OTULINL: variants seen among roughly 807,000 people sequenced by gnomAD.
The protein encoded by OTULINL is inactive ubiquitin thioesterase OTULINL.
A neutral mutation model predicts 43.9 loss-of-function variants in OTULINL; 42 were observed. That is an observed-to-expected ratio of 0.96 (90% CI 0.75 to 1.24). The LOEUF (loss-of-function observed/expected upper bound fraction) is 1.24. Ranked by LOEUF, OTULINL falls within the 50% of genes most tolerant of loss-of-function variation. OTULINL has a pLI of 0.00. For synonymous variants in OTULINL, 172 were observed against 153.6 expected (o/e 1.12, Z -0.88); for missense variants, 411 against 426.4 (o/e 0.96, Z 0.32).
At chr5:14,598,203 C>A (rs1020656656) in intron 1 of OTULINL, among the ~76,000 whole-genome samples, 2 of 152,226 alleles carry the variant, frequency 1.3e-5, no homozygotes, top group African/African-American at 2.4e-5. Flanking sequence ...GAGGGGGCAG[C>A]AGCCATCCCC....
In OTULINL at chr5:14,613,066, G is replaced by A. The variant is rs1759609148; in HGVS notation, c.*2752G>A. 6.6e-6 allele frequency among the ~76,000 whole-genome samples: 1 copy of A among 152,124 alleles called. No homozygotes were observed. Among genetic ancestry groups the A allele is most frequent in the South Asian group, 2.1e-4 (1 of 4,824 alleles). On this transcript the variant is annotated 3_prime_UTR_variant, in exon 8 of 8. Transcript: ENST00000274217. ...GCCTCCCGAGTAGCCGGGATTACAG[G>A]TGCCCACCACTACGCTCGACTAATT...
intron 1 of OTULINL, among the ~76,000 whole-genome samples, chr5:14,595,975 G>T (rs938155114): frequency 2.0e-5 from 3 of 152,112 alleles, no homozygotes; most frequent in African/African-American, 7.2e-5. Flanking sequence ...ATATTGAAAA[G>T]AAATTTCATG....
At chr5:14,595,233 CTG>C (rs2126775625) in intron 1 of OTULINL, among the ~76,000 whole-genome samples, 1 of 152,254 alleles carries the variant, frequency 6.6e-6, no homozygotes, top group Non-Finnish European at 1.5e-5. Flanking sequence ...GTGACAGAGT[CTG>C]TGTGTAGAGA....
intron 1 of OTULINL, among the ~76,000 whole-genome samples, chr5:14,586,566 AT>A (rs1759104102): frequency 6.6e-6 from 1 of 152,234 alleles, no homozygotes; most frequent in African/African-American, 2.4e-5. Flanking sequence ...TTTGTTGTTG[AT>A]TTAACCATGT....
chr5:14,589,170 G>A lies in OTULINL; in HGVS notation c.64+7212G>A, dbSNP rs531142934. ...TTACTGTCTACGCAGGGAGACAGAC[G>A]CTAATCAAACACAAACACAATTGTG... On this transcript the variant is annotated intron_variant, in intron 1 of 7. Transcript: ENST00000274217. Among the ~76,000 whole-genome samples the A allele has an allele frequency of 4.6e-5, 7 of 152,292 alleles. No individual in the cohort carries two copies. In the East Asian group the frequency reaches 1.4e-3, roughly 29 times the overall value.
At chr5:14,608,077 C>G (rs976831648) in intron 6 of OTULINL, among the ~76,000 whole-genome samples, 3 of 152,230 alleles carry the variant, frequency 2.0e-5, no homozygotes, top group Non-Finnish European at 2.9e-5. Flanking sequence ...CACACTAGCA[C>G]TATTCTGTGG....
intron 1 of OTULINL, among the ~76,000 whole-genome samples, chr5:14,582,377 T>C (rs998131091): frequency 2.6e-5 from 4 of 151,844 alleles, no homozygotes; most frequent in African/African-American, 9.7e-5. Context: ...CCGTGTCCTC[T>C]CGGGGAGCTC....
In OTULINL at chr5:14,613,527, C is replaced by T. The variant is rs543879002; in HGVS notation, c.*3213C>T. ...AGAGAGTTAGGTTAGTTAGTACAAC[C>T]TAAGAGGGAGTTAAATGGATCAGGA... On this transcript the variant is annotated 3_prime_UTR_variant, in exon 8 of 8. Coordinates refer to ENST00000274217, the MANE Select transcript of OTULINL (RefSeq NM_019018.3). 2.0e-5 allele frequency among the ~76,000 whole-genome samples: 3 copies of T among 152,222 alleles called. No homozygotes were observed. Among genetic ancestry groups the T allele is most frequent in the Admixed American group, 6.5e-5 (1 of 15,296 alleles).
chr5:14,610,344 C>A lies in OTULINL; in HGVS notation c.*30C>A, dbSNP rs781418751. On this transcript the variant is annotated 3_prime_UTR_variant, in exon 8 of 8. Coordinates refer to ENST00000274217, the MANE Select transcript of OTULINL (RefSeq NM_019018.3). ...GCTGGGGGCCGAACAGCAGTGCTCA[C>A]CAGTGACGGTGGTCACAGTTGCAAT... 1 of 1,600,648 alleles carries A rather than the reference C, an allele frequency of 6.2e-7. No individual in the cohort carries two copies. The highest frequency in any genetic ancestry group is 8.5e-7 in the Non-Finnish European group (1 of 1,173,334).
In OTULINL at chr5:14,611,154, A is replaced by T. The variant is rs1759574710; in HGVS notation, c.*840A>T. ...GAATAATGCCCTATGCTCCCCAAAGATGTCTGTGTCTGAATCCTCAGAGCC... is the reference window on the plus strand; with the variant it reads ...GAATAATGCCCTATGCTCCCCAAAGTTGTCTGTGTCTGAATCCTCAGAGCC... On this transcript the variant is annotated 3_prime_UTR_variant, in exon 8 of 8. Coordinates refer to ENST00000274217, the MANE Select transcript of OTULINL (RefSeq NM_019018.3). The T allele has an allele frequency of 6.6e-6, 1 of 152,194 alleles. No homozygotes were observed. The highest frequency in any genetic ancestry group is 2.4e-5 in the African/African-American group (1 of 41,440). 9.4% of individuals were successfully genotyped at this position (152,194 alleles called of 1,614,324 possible). A position where few individuals can be genotyped will look rare whatever the true frequency, so the allele number is the denominator to read the frequency against.
Position 14,615,712 on chromosome 5 carries a change from C to T in OTULINL, c.*5398C>T. Among the ~76,000 whole-genome samples the T allele has an allele frequency of 6.6e-6, 1 of 152,182 alleles. No homozygotes were observed. On this transcript the variant is annotated 3_prime_UTR_variant, in exon 8 of 8. Coordinates refer to ENST00000274217, the MANE Select transcript of OTULINL (RefSeq NM_019018.3). ...GACTCAGCCCCAGAGTATATTTGAT[C>T]TATTGGTTAACTCATCTGTCAGCAA...
Position 14,581,972 on chromosome 5 carries a change from CGGGCGGGGCG to C in OTULINL, c.64+23_64+32del, listed in dbSNP as rs1013655166. Reference sequence around the variant, plus strand: ...CTCCCGCCGCAGGTGAGCCTGGGGCCGGGCGGGGCGGGGCGGGGGGCGCGAGCAGGGACCG... The same window carrying C: ...CTCCCGCCGCAGGTGAGCCTGGGGCCGGGCGGGGGGCGCGAGCAGGGACCG... On this transcript the variant is annotated intron_variant, in intron 1 of 7. Transcript: ENST00000274217. The C allele has an allele frequency of 5.3e-5, 35 of 656,184 alleles. No homozygotes were observed. The highest frequency in any genetic ancestry group is 6.9e-5 in the Non-Finnish European group (31 of 448,420). The allele number at this position is 656,184 out of a possible 1,614,324, so 40.6% of individuals were successfully genotyped here.
chr5:14,583,625 A>C (rs919263141), intron 1 of OTULINL, among the ~76,000 whole-genome samples: 1 of 152,168 alleles, frequency 6.6e-6, no homozygotes, highest in African/African-American at 2.4e-5. Context: ...CTCTGCTCCA[A>C]TTGTGGGATC....
Position 14,610,407 on chromosome 5 carries a change from T to C in OTULINL, c.*93T>C. 7.5e-7 allele frequency: 1 copy of C among 1,340,222 alleles called. No individual in the cohort carries two copies. Among genetic ancestry groups the C allele is most frequent in the Non-Finnish European group, 1.0e-6 (1 of 964,208 alleles). The allele number at this position is 1,340,222 out of a possible 1,614,324, so 83.0% of individuals were successfully genotyped here. A position where few individuals can be genotyped will look rare whatever the true frequency, so the allele number is the denominator to read the frequency against. ...TGAAACCAAAGCTAGCATTTCAGCA[T>C]GGAAGGAATTAGGACCTTTTCTTCA... On this transcript the variant is annotated 3_prime_UTR_variant, in exon 8 of 8. Coordinates refer to ENST00000274217, the MANE Select transcript of OTULINL (RefSeq NM_019018.3).
chr5:14,614,579 C>T lies in OTULINL; in HGVS notation c.*4265C>T, dbSNP rs1231580247. 4 of 398,448 alleles carry T rather than the reference C, an allele frequency of 1.0e-5. No individual in the cohort carries two copies. The highest frequency in any genetic ancestry group is 1.8e-5 in the Non-Finnish European group (4 of 226,068). The allele number at this position is 398,448 out of a possible 1,614,324, so 24.7% of individuals were successfully genotyped here. A position where few individuals can be genotyped will look rare whatever the true frequency, so the allele number is the denominator to read the frequency against. On this transcript the variant is annotated 3_prime_UTR_variant, in exon 8 of 8. Coordinates refer to ENST00000274217, the MANE Select transcript of OTULINL (RefSeq NM_019018.3). Reference sequence around the variant, plus strand: ...GGATTATATTTATGCTTAATATCAACATGGTTTATAAGTGGACAGAAAAAC... The same window carrying T: ...GGATTATATTTATGCTTAATATCAATATGGTTTATAAGTGGACAGAAAAAC...
At chr5:14,595,525 T>TA (rs965402086) in intron 1 of OTULINL, among the ~76,000 whole-genome samples, 7 of 151,660 alleles carry the variant, frequency 4.6e-5, no homozygotes, top group African/African-American at 1.7e-4. Context: ...GGTTTTGGGG[T>TA]ATGTGTGTGT....
intron 1 of OTULINL, among the ~76,000 whole-genome samples, chr5:14,583,772 T>C (rs1759059072): frequency 6.6e-6 from 1 of 152,174 alleles, no homozygotes; most frequent in African/African-American, 2.4e-5. Context: ...AAAACAAAAA[T>C]AAAACCAGTT....
intron 1 of OTULINL, among the ~76,000 whole-genome samples, chr5:14,592,942 G>C (rs1759230065): frequency 6.6e-6 from 1 of 152,168 alleles, no homozygotes; most frequent in African/African-American, 2.4e-5. Context: ...TCATGTCCTA[G>C]GGAAGCATTC....
intron 1 of OTULINL, among the ~76,000 whole-genome samples, chr5:14,598,831 TGAG>T (rs1409085783): frequency 6.6e-6 from 1 of 152,210 alleles, no homozygotes; most frequent in Non-Finnish European, 1.5e-5. Context: ...ACTTTTATAA[TGAG>T]GAAAAAACTA....
Sources: allele counts gnomAD v4.1 joint callset (sites outside exome capture counted in the v4.1 genomes callset), GRCh38; gene constraint gnomAD v4.1.1; transcripts MANE v1.5; gene names NCBI Gene and HGNC (gene_info 2026-07-23, HGNC 2026-07-21).